Variants in MTHFSD observed in about 807,000 individuals in gnomAD.
MTHFSD encodes methenyltetrahydrofolate synthetase domain containing.
A neutral mutation model predicts 31.1 loss-of-function variants in MTHFSD; 37 were observed. That is an observed-to-expected ratio of 1.19 (90% CI 0.91 to 1.56). The LOEUF is 1.56. MTHFSD is among the 40% of genes most tolerant of loss of function. The pLI is 0.00. For synonymous variants in MTHFSD, 221 were observed against 206.9 expected, an observed-to-expected ratio of 1.07 and a Z score of -0.59; for missense variants, 664 against 510.1, an observed-to-expected ratio of 1.30 and a Z score of -2.91.
Position 86,548,515 on chromosome 16 carries a change from T to C in MTHFSD, c.300A>G (p.Thr100=). Residue 100 remains threonine (T), a synonymous_variant, in exon 4 of 8, where the codon ACA becomes ACG. Coordinates refer to ENST00000360900, the MANE Select transcript of MTHFSD (RefSeq NM_001159377.2). ...TGTCTTTAGTTGCCCCAGGGGGTGG[T>C]GTGATCTTATTAAACAATCCCGTTC... The part of the protein sequence containing the change: ...RLRTGLFNKI[T]PPPGATKDIL... The C allele has an allele frequency of 2.5e-6, 4 of 1,613,958 alleles. No individual in the cohort carries two copies. Among genetic ancestry groups the C allele is most frequent in the South Asian group, 2.2e-5 (2 of 90,984 alleles).
rs1970045688 is a variant in MTHFSD, at chr16:86,532,091, C to A, written c.1072G>T (p.Ala358Ser). ...CGCAGGCCCTGCAAGCAGGAGACGGCCTGCTGGGCTGCGGCAGAGTCCGGG... is the reference window on the plus strand; with the variant it reads ...CGCAGGCCCTGCAAGCAGGAGACGGACTGCTGGGCTGCGGCAGAGTCCGGG... ...HYPDSAAAQQAVSCLQGLRLG... is the reference protein window; with the variant it reads ...HYPDSAAAQQSVSCLQGLRLG... The change falls in exon 8 of 8, where the codon GCC (alanine) becomes TCC (serine). Residue 358 changes from alanine (A) to serine (S), a missense_variant. Physicochemically the swap from Ala to Ser is moderately conservative, Grantham distance 99 (BLOSUM62 1). Coordinates refer to ENST00000360900, the MANE Select transcript of MTHFSD (RefSeq NM_001159377.2). 1 of 1,532,904 alleles carries A rather than the reference C, an allele frequency of 6.5e-7. No homozygotes were observed. The highest frequency in any genetic ancestry group is 8.8e-7 in the Non-Finnish European group (1 of 1,138,152). The allele number at this position is 1,532,904 out of a possible 1,614,324, so 95.0% of individuals were successfully genotyped here.
rs1428073778 is a variant in MTHFSD at position 86,530,660 on chromosome 16, T to A, written c.*1351A>T. On this transcript the variant is annotated 3_prime_UTR_variant, in exon 8 of 8. Coordinates refer to ENST00000360900, the MANE Select transcript of MTHFSD (RefSeq NM_001159377.2). ...ATCTTTCAGAAAAAGAAGTATTTTT[T>A]AAAAAAAGAGAGAAAAGAAGGTGAG... The A allele has an allele frequency of 1.3e-5, 2 of 152,122 alleles. No individual in the cohort carries two copies. Among genetic ancestry groups the A allele is most frequent in the Non-Finnish European group, 2.9e-5 (2 of 68,016 alleles). The allele number at this position is 152,122 out of a possible 1,614,324, so 9.4% of individuals were successfully genotyped here. A position where few individuals can be genotyped will look rare whatever the true frequency, so the allele number is the denominator to read the frequency against.
Position 86,542,186 on chromosome 16 carries a change from T to A in MTHFSD, c.470A>T (p.Tyr157Phe), listed in dbSNP as rs1429453602. 1.2e-6 allele frequency: 2 copies of A among 1,613,756 alleles called. No individual in the cohort carries two copies. The highest frequency in any genetic ancestry group is 1.7e-6 in the Non-Finnish European group (2 of 1,180,000). Residue 157 changes from tyrosine to phenylalanine, a missense_variant, in exon 6 of 8, where the codon TAC (tyrosine) becomes TTC (phenylalanine). Transcript: ENST00000360900. The surrounding 1 kb of genome is among the most constrained non-coding windows in gnomAD (Gnocchi z 4.6). ...CATCATGGCATATTCCAGATCGGCGTAGCCTTCTCCCTTCCCGATTCTCCA... is the reference window on the plus strand; with the variant it reads ...CATCATGGCATATTCCAGATCGGCGAAGCCTTCTCCCTTCCCGATTCTCCA... ...KGWRIGKGEGYADLEYAMMVS... is the reference protein window; with the variant it reads ...KGWRIGKGEGFADLEYAMMVS...
In MTHFSD at chr16:86,538,049, C is replaced by G. The variant is rs537899095; in HGVS notation, c.681+3648G>C. Among the ~76,000 whole-genome samples, 163 of 152,318 alleles carry G rather than the reference C, an allele frequency of 1.1e-3. 4 individuals are homozygous for G. Among genetic ancestry groups the G allele is most frequent in the Middle Eastern group, 6.8e-3 (2 of 294 alleles). Reference sequence around the variant, plus strand: ...CACTGGGCAAAGGCCAAAAGGCCCTCTGGTTTGTGGGTCTGGTGACGGGGA... The same window carrying G: ...CACTGGGCAAAGGCCAAAAGGCCCTGTGGTTTGTGGGTCTGGTGACGGGGA... On this transcript the variant is annotated intron_variant, in intron 7 of 7. Transcript: ENST00000360900.
At chr16:86,550,861 C>T (rs747093926) in intron 3 of MTHFSD, among the ~76,000 whole-genome samples, 5 of 152,342 alleles carry the variant, frequency 3.3e-5, no homozygotes, top group South Asian at 2.1e-4. Context: ...CCACACGAGC[C>T]TGGACCCCTC....
At chr16:86,535,583 C>T (rs1305082560) in intron 7 of MTHFSD, 5 of 850,874 alleles carry the variant, frequency 5.9e-6, no homozygotes, top group African/African-American at 2.2e-5. Flanking sequence ...CTTTTTATAA[C>T]TAATTCTATT....
chr16:86,542,452 G>C lies in MTHFSD; in HGVS notation c.443-239C>G, dbSNP rs1971661492. On this transcript the variant is annotated intron_variant, in intron 5 of 7. Coordinates refer to ENST00000360900, the MANE Select transcript of MTHFSD (RefSeq NM_001159377.2). The surrounding 1 kb of genome is among the most constrained non-coding windows in gnomAD (Gnocchi z 4.6). ...TCAGGTGGTGAAACTACAATGACGT[G>C]AACACTGGACCGTTCAAGCATGTCA... 1.9e-6 allele frequency: 1 copy of C among 537,870 alleles called. No individual in the cohort carries two copies. Among genetic ancestry groups the C allele is most frequent in the Non-Finnish European group, 3.3e-6 (1 of 301,046 alleles). 33.3% of individuals were successfully genotyped at this position (537,870 alleles called of 1,614,324 possible).
In MTHFSD at chr16:86,542,189, C is replaced by G. The variant is rs761453315; in HGVS notation, c.467G>C (p.Gly156Ala). 1.1e-5 allele frequency: 18 copies of G among 1,613,608 alleles called. No homozygotes were observed. In the African/African-American group the frequency reaches 1.6e-4, roughly 14 times the overall value. Residue 156 changes from glycine (G) to alanine (A), a missense_variant, in exon 6 of 8, where the codon GGC (glycine) becomes GCC (alanine). Transcript: ENST00000360900. This position sits in a 1 kb window ranked among gnomAD's most constrained non-coding sequence, Gnocchi z 4.6. The stretch of plus-strand genomic sequence containing the variant: ...CATGGCATATTCCAGATCGGCGTAG[C>G]CTTCTCCCTTCCCGATTCTCCAGCC... Reference protein sequence around the residue: ...EKGWRIGKGEGYADLEYAMMV... With the variant: ...EKGWRIGKGEAYADLEYAMMV...
chr16:86,548,700 T>G (rs1379030807), intron 3 of MTHFSD, 123 bp from the exon 4 acceptor site: 6 of 745,344 alleles, frequency 8.0e-6, no homozygotes, highest in Non-Finnish European at 1.3e-5. Context: ...TTTTTTTTGG[T>G]GTGTGCCAAG....
At chr16:86,554,847 T>C in intron 1 of MTHFSD, 96 bp from the exon 2 acceptor site, 1 of 1,154,930 alleles carries the variant, frequency 8.7e-7, no homozygotes, top group Non-Finnish European at 1.2e-6. Flanking sequence ...CGCGTGTAGG[T>C]CAAACCGGCT....
chr16:86,553,091 T>A (rs754785931), intron 2 of MTHFSD, among the ~76,000 whole-genome samples: 33 of 152,198 alleles, frequency 2.2e-4, no homozygotes, highest in Non-Finnish European at 3.7e-4. Flanking sequence ...TGGCAAGGCA[T>A]TCATTTCTTT....
rs978436365 is a variant in MTHFSD at position 86,542,418 on chromosome 16, C to T, written c.443-205G>A. The T allele has an allele frequency of 5.8e-5, 33 of 569,466 alleles. No individual in the cohort carries two copies. The highest frequency in any genetic ancestry group is 6.0e-5 in the Non-Finnish European group (19 of 319,286). The allele number at this position is 569,466 out of a possible 1,614,324, so 35.3% of individuals were successfully genotyped here. On this transcript the variant is annotated intron_variant, in intron 5 of 7. Transcript: ENST00000360900. This position sits in a 1 kb window ranked among gnomAD's most constrained non-coding sequence, Gnocchi z 4.6. Reference sequence around the variant, plus strand: ...TGGGCATTCAACAGGAATAACAACACGGCCAATGTCAGGTGGTGAAACTAC... The same window carrying T: ...TGGGCATTCAACAGGAATAACAACATGGCCAATGTCAGGTGGTGAAACTAC...
chr16:86,537,560 G>A (rs1165543560), intron 7 of MTHFSD, among the ~76,000 whole-genome samples: 1 of 152,166 alleles, frequency 6.6e-6, no homozygotes, highest in Non-Finnish European at 1.5e-5. Flanking sequence ...GCCTCTCTCA[G>A]CTCTCTAAAC....
At chr16:86,544,770 A>G (rs895124529) in intron 5 of MTHFSD, among the ~76,000 whole-genome samples, 21 of 152,258 alleles carry the variant, frequency 1.4e-4, no homozygotes, top group African/African-American at 5.1e-4. Context: ...GGTTCACTGT[A>G]GCACTATTCA....
At chr16:86,549,945 T>C (rs1972896552) in intron 3 of MTHFSD, among the ~76,000 whole-genome samples, 1 of 152,032 alleles carries the variant, frequency 6.6e-6, no homozygotes, top group African/African-American at 2.4e-5. Flanking sequence ...CCACTGTGCC[T>C]GTAGCTGTGG....
rs1463945416 is a variant in MTHFSD, at chr16:86,542,729, C to G, written c.443-516G>C. On this transcript the variant is annotated intron_variant, in intron 5 of 7. Coordinates refer to ENST00000360900, the MANE Select transcript of MTHFSD (RefSeq NM_001159377.2). This position sits in a 1 kb window ranked among gnomAD's most constrained non-coding sequence, Gnocchi z 4.6. ...GTCCTGAGGGACGGTTTAAGCAGTA[C>G]TAAAGCGTTTTGCAAATTTGTAATT... Among the ~76,000 whole-genome samples the G allele has an allele frequency of 6.6e-6, 1 of 152,172 alleles. No individual in the cohort carries two copies. Among genetic ancestry groups the G allele is most frequent in the Non-Finnish European group, 1.5e-5 (1 of 68,042 alleles).
At position 86,554,728 on chromosome 16, in the gene MTHFSD, G is replaced by C. The variant is rs746575379; in HGVS notation, c.40C>G (p.Arg14Gly). The C allele has an allele frequency of 4.3e-6, 7 of 1,613,884 alleles. No individual in the cohort carries two copies. The highest frequency in any genetic ancestry group is 2.7e-5 in the African/African-American group (2 of 74,904). ...TCCATGTAGCCCCAAATTTGTTCAC[G>C]TATGTCCTGTTTGGAGACACCTACT... ...RAVGVSKQDIREQIWGYMESQ... is the reference protein window; with the variant it reads ...RAVGVSKQDIGEQIWGYMESQ... Residue 14 changes from arginine (R) to glycine (G), a missense_variant, in exon 2 of 8, where the codon CGT (arginine) becomes GGT (glycine). Transcript: ENST00000360900.
rs1164185422 is a variant in MTHFSD, at chr16:86,530,373, C to T, written c.*1638G>A. 1 of 152,200 alleles carries T rather than the reference C, an allele frequency of 6.6e-6. No homozygotes were observed. The highest frequency in any genetic ancestry group is 1.9e-4 in the East Asian group (1 of 5,182). The allele number at this position is 152,200 out of a possible 1,614,324, so 9.4% of individuals were successfully genotyped here. A position where few individuals can be genotyped will look rare whatever the true frequency, so the allele number is the denominator to read the frequency against. On this transcript the variant is annotated 3_prime_UTR_variant, in exon 8 of 8. Transcript: ENST00000360900. ...GTAACCCTGTACTGCCTGGTTTAAT[C>T]CCGCCGTCTGAGGGTGGGGTGGGCG... is the stretch of plus-strand genomic sequence containing the variant.
In MTHFSD at chr16:86,548,135, A is replaced by G. The variant is rs16941507; in HGVS notation, c.351+329T>C. ...ACCTGATGAACAGGCCGGGAATAAGAAAAAGCTCCACAATACTGAACATCG... is the reference window on the plus strand; with the variant it reads ...ACCTGATGAACAGGCCGGGAATAAGGAAAAGCTCCACAATACTGAACATCG... On this transcript the variant is annotated intron_variant, in intron 4 of 7. Transcript: ENST00000360900. 12,010 of 1,302,058 alleles carry G rather than the reference A, an allele frequency of 9.2e-3. 604 individuals carry two copies. The African/African-American group carries it at 0.13, about 14-fold the overall frequency. The allele number at this position is 1,302,058 out of a possible 1,614,324, so 80.7% of individuals were successfully genotyped here.
Sources: gnomAD v4.1 joint callset for allele counts (sites outside exome capture counted in the v4.1 genomes callset) on GRCh38, gnomAD v4.1.1 for gene constraint, Gnocchi (gnomAD v3.1) non-coding constraint, MANE v1.5 for transcripts, NCBI Gene and HGNC (gene_info 2026-07-23, HGNC 2026-07-21) for gene names.